ARPC1A: variants seen among roughly 807,000 people sequenced by gnomAD.
The protein encoded by ARPC1A is actin related protein 2/3 complex subunit 1A, also known as actin-related protein 2/3 complex subunit 1A.
A neutral mutation model predicts 46.9 loss-of-function variants in ARPC1A; 8 were observed. The observed-to-expected ratio is 0.17, with a 90% CI of 0.10 to 0.31. The LOEUF is 0.31. Ranked by LOEUF, ARPC1A falls within the 10% of genes least tolerant of loss-of-function variation. The probability of loss-of-function intolerance (pLI) is 1.00; values close to 1 mark genes in which losing one functional copy is unlikely to be tolerated. For missense variants in ARPC1A, 286 were observed against 483.6 expected, an observed-to-expected ratio of 0.59 and a Z score of 3.83; for synonymous variants, 152 against 169.0, an observed-to-expected ratio of 0.90 and a Z score of 0.78.
At chr7:99,327,923 C>G (rs1048395642) in intron 1 of ARPC1A, among the ~76,000 whole-genome samples, 1 of 152,120 alleles carries the variant, frequency 6.6e-6, no homozygotes, top group African/African-American at 2.4e-5. Flanking sequence ...CTAGGTGAAT[C>G]ACGGTCTTGA....
At chr7:99,340,250 C>T (rs1793335666) in intron 3 of ARPC1A, among the ~76,000 whole-genome samples, 1 of 152,090 alleles carries the variant, frequency 6.6e-6, no homozygotes, top group Non-Finnish European at 1.5e-5. Context: ...GCAGCCTCTG[C>T]CTTCCAGGTT....
chr7:99,354,178 G>A (rs1584384410), intron 6 of ARPC1A, 57 bp downstream of exon 6: 1 of 1,568,012 alleles, frequency 6.4e-7, no homozygotes, highest in Middle Eastern at 1.7e-4. Flanking sequence ...TCTCTCACCA[G>A]CTGAACCAGG....
intron 3 of ARPC1A, among the ~76,000 whole-genome samples, chr7:99,340,356 T>A (rs113612519): frequency 5.3e-5 from 8 of 152,170 alleles, no homozygotes; most frequent in African/African-American, 1.9e-4. Context: ...AGATGTGGGA[T>A]TTCACCACAT....
At chr7:99,334,028 CACATATAT>C (rs1162893274) in intron 2 of ARPC1A, among the ~76,000 whole-genome samples, 7 of 136,216 alleles carry the variant, frequency 5.1e-5, no homozygotes, top group African/African-American at 2.3e-4. Flanking sequence ...CACACACACA[CACATATAT>C]ATGTATTTTT....
chr7:99,356,264 A>G (rs550075010), intron 6 of ARPC1A, among the ~76,000 whole-genome samples: 1 of 152,342 alleles, frequency 6.6e-6, no homozygotes, highest in South Asian at 2.1e-4. Flanking sequence ...TTTTCCTAAC[A>G]GGATTAAATG....
chr7:99,366,089 G>T lies in ARPC1A; in HGVS notation c.*160G>T. The T allele has an allele frequency of 4.6e-6, 4 of 860,854 alleles. No individual in the cohort carries two copies. Among genetic ancestry groups the T allele is most frequent in the South Asian group, 1.8e-5 (1 of 55,630 alleles). The allele number at this position is 860,854 out of a possible 1,614,324, so 53.3% of individuals were successfully genotyped here. A position where few individuals can be genotyped will look rare whatever the true frequency, so the allele number is the denominator to read the frequency against. On this transcript the variant is annotated 3_prime_UTR_variant, in exon 10 of 10. Coordinates refer to ENST00000262942, the MANE Select transcript of ARPC1A (RefSeq NM_006409.4). ...GAATATAAAATTGGTGAAAGTGTTG[G>T]TTTTTTTAAGGCAGTAATTTTTTTG...
At chr7:99,357,274 C>T (rs1189758397) in intron 6 of ARPC1A, among the ~76,000 whole-genome samples, 1 of 152,104 alleles carries the variant, frequency 6.6e-6, no homozygotes, top group Non-Finnish European at 1.5e-5. Flanking sequence ...TCAGGTATAC[C>T]GCACTAAGGG....
chr7:99,333,149 C>G (rs971714121), intron 1 of ARPC1A, among the ~76,000 whole-genome samples, 176 bp from the exon 2 acceptor site: 2 of 152,216 alleles, frequency 1.3e-5, no homozygotes, highest in Non-Finnish European at 2.9e-5. Flanking sequence ...CCTGCCTTGG[C>G]CTCCCAAAGT....
intron 1 of ARPC1A, among the ~76,000 whole-genome samples, chr7:99,330,530 G>A (rs1793128600): frequency 1.3e-5 from 2 of 152,126 alleles, no homozygotes; most frequent in Admixed American, 1.3e-4. Flanking sequence ...GGCCAGGCTG[G>A]TCTCGAACTC....
At chr7:99,328,108 C>T (rs1033452215) in intron 1 of ARPC1A, among the ~76,000 whole-genome samples, 2 of 152,174 alleles carry the variant, frequency 1.3e-5, no homozygotes, top group South Asian at 2.1e-4. Context: ...CAGTGGCTCA[C>T]GCCTGTAATC....
At chr7:99,364,768 A>T (rs1793803649) in intron 9 of ARPC1A, among the ~76,000 whole-genome samples, 1 of 152,152 alleles carries the variant, frequency 6.6e-6, no homozygotes, top group African/African-American at 2.4e-5. Flanking sequence ...AATTTAATAA[A>T]CATTTAGTAC....
chr7:99,326,560 C>T (rs1380541104), intron 1 of ARPC1A, among the ~76,000 whole-genome samples: 1 of 152,242 alleles, frequency 6.6e-6, no homozygotes, highest in Non-Finnish European at 1.5e-5. Context: ...CTTCTCGGCG[C>T]TCTTATTCAT....
At chr7:99,334,035 A>ACG (rs1279735052) in intron 2 of ARPC1A, among the ~76,000 whole-genome samples, 1 of 138,760 alleles carries the variant, frequency 7.2e-6, no homozygotes. Flanking sequence ...ACACACATAT[A>ACG]TATGTATTTT....
intron 3 of ARPC1A, among the ~76,000 whole-genome samples, chr7:99,343,679 G>A (rs1793392274): frequency 6.6e-6 from 1 of 152,060 alleles, no homozygotes; most frequent in Admixed American, 6.6e-5. Flanking sequence ...ACATATTTAG[G>A]TATCTTCCTG....
chr7:99,343,670 C>T (rs1015524312), intron 3 of ARPC1A, among the ~76,000 whole-genome samples: 6 of 152,096 alleles, frequency 3.9e-5, no homozygotes, highest in African/African-American at 1.4e-4. Context: ...CATTCAGATA[C>T]ATATTTAGGT....
intron 4 of ARPC1A, among the ~76,000 whole-genome samples, chr7:99,345,370 T>G (rs1017994848): frequency 3.3e-5 from 5 of 152,214 alleles, no homozygotes; most frequent in African/African-American, 1.2e-4. Flanking sequence ...AAATTACTTC[T>G]TGCTGACCCA....
chr7:99,355,636 C>A (rs187960768), intron 6 of ARPC1A, among the ~76,000 whole-genome samples: 96 of 151,668 alleles, frequency 6.3e-4, no homozygotes, highest in Admixed American at 3.2e-3. Flanking sequence ...CCCAGCTACT[C>A]GGGAGGCTGA....
At chr7:99,365,426 T>G (rs975977969) in intron 9 of ARPC1A, among the ~76,000 whole-genome samples, 1 of 151,962 alleles carries the variant, frequency 6.6e-6, no homozygotes, top group African/African-American at 2.4e-5. Flanking sequence ...CACAGTGAGA[T>G]CCTGTCTCTA....
intron 2 of ARPC1A, among the ~76,000 whole-genome samples, chr7:99,334,647 A>G (rs1793208632): frequency 6.6e-6 from 1 of 151,924 alleles, no homozygotes; most frequent in Non-Finnish European, 1.5e-5. Flanking sequence ...GTAGATATCC[A>G]GTTTTCATTT....
Sources: gnomAD v4.1 joint callset for allele counts (sites outside exome capture counted in the v4.1 genomes callset) on GRCh38, gnomAD v4.1.1 for gene constraint, MANE v1.5 for transcripts, NCBI Gene and HGNC (gene_info 2026-07-23, HGNC 2026-07-21) for gene names.